ZNRF2: variants seen among roughly 807,000 people sequenced by gnomAD.
ZNRF2 encodes E3 ubiquitin-protein ligase ZNRF2.
In ZNRF2, 16 loss-of-function variants were observed where a neutral mutation model predicts 20.4. That is an observed-to-expected ratio of 0.79 (90% confidence interval 0.53 to 1.19). ZNRF2 has a LOEUF of 1.19. Among genes scored for constraint, ZNRF2 ranks in the 50% most tolerant of loss-of-function variants. The pLI, the probability that ZNRF2 is intolerant of heterozygous loss-of-function variation, is 0.00. For missense variants in ZNRF2, 363 were observed against 332.4 expected (o/e 1.09, Z -0.72); for synonymous variants, 178 against 144.9 (o/e 1.23, Z -1.64).
intron 3 of ZNRF2, 133 bp from the exon 4 acceptor site, chr7:30,362,244 A>G (rs1800138183): frequency 1.9e-6 from 1 of 518,324 alleles, no homozygotes; most frequent in Non-Finnish European, 3.3e-6. Context: ...TTGCTTATGT[A>G]TGCCAAATAT....
At chr7:30,311,099 G>A (rs139209540) in intron 1 of ZNRF2, among the ~76,000 whole-genome samples, 10 of 152,156 alleles carry the variant, frequency 6.6e-5, no homozygotes, top group African/African-American at 1.9e-4. Context: ...CTACTGCTGC[G>A]GTACTCTCTG....
intron 1 of ZNRF2, among the ~76,000 whole-genome samples, chr7:30,307,326 G>GTTTTTTTTTTTTTTTTTTTTTTTT (rs78007797): frequency 2.1e-4 from 9 of 43,238 alleles, no homozygotes; most frequent in Non-Finnish European, 3.8e-4. Context: ...GTTTTTTTTT[G>GTTTTTTTTTTTTTTTTTTTTTTTT]TTTTTTTTTT....
At chr7:30,321,050 A>T (rs193297183) in intron 1 of ZNRF2, among the ~76,000 whole-genome samples, 10 of 152,100 alleles carry the variant, frequency 6.6e-5, no homozygotes, top group South Asian at 4.1e-4. Context: ...CAGTTCGGAG[A>T]TCTTTATTCT....
chr7:30,352,990 T>C (rs887129538), intron 2 of ZNRF2, among the ~76,000 whole-genome samples: 21 of 152,106 alleles, frequency 1.4e-4, no homozygotes, highest in African/African-American at 5.1e-4. Flanking sequence ...AGTGTCATTA[T>C]AGGGGTGAGA....
At position 30,351,580 on chromosome 7, in the gene ZNRF2, C is replaced by T. The variant is rs144825469; in HGVS notation, c.566-4148C>T. Among the ~76,000 whole-genome samples the T allele has an allele frequency of 3.2e-3, 479 of 152,032 alleles. 6 individuals are homozygous for T. Among genetic ancestry groups the T allele is most frequent in the African/African-American group, 0.011 (455 of 41,516 alleles). On this transcript the variant is annotated intron_variant, in intron 2 of 4. Transcript: ENST00000323037. ...AACAGTCCAGTTGCTTTGGTATTTA[C>T]GTTGCTTTAAAGTGAAATTGTTTCT...
At chr7:30,320,408 A>G (rs1204656483) in intron 1 of ZNRF2, among the ~76,000 whole-genome samples, 1 of 152,228 alleles carries the variant, frequency 6.6e-6, no homozygotes, top group Non-Finnish European at 1.5e-5. Context: ...GTAAATACAT[A>G]CTAGTAGTAC....
chr7:30,302,491 T>C (rs1400881447), intron 1 of ZNRF2, among the ~76,000 whole-genome samples: 1 of 151,574 alleles, frequency 6.6e-6, no homozygotes, highest in African/African-American at 2.4e-5. Context: ...CTAGTGTCCA[T>C]CCATCAGGGC....
intron 1 of ZNRF2, among the ~76,000 whole-genome samples, chr7:30,295,368 G>A (rs554123914): frequency 1.3e-5 from 2 of 152,172 alleles, no homozygotes; most frequent in African/African-American, 4.8e-5. Flanking sequence ...TGTTTCTTGG[G>A]CTGACCTTAA....
intron 2 of ZNRF2, among the ~76,000 whole-genome samples, chr7:30,338,438 C>G (rs1799749694): frequency 6.9e-6 from 1 of 145,314 alleles, no homozygotes; most frequent in East Asian, 2.0e-4. Context: ...CCCCCACCCC[C>G]CAACAGGCCC....
chr7:30,296,730 T>C (rs1295335306), intron 1 of ZNRF2, among the ~76,000 whole-genome samples: 3 of 152,238 alleles, frequency 2.0e-5, no homozygotes, highest in African/African-American at 7.2e-5. Flanking sequence ...CTTTGGAGGA[T>C]TGCCATTAGT....
At chr7:30,317,704 G>C (rs1799399262) in intron 1 of ZNRF2, among the ~76,000 whole-genome samples, 1 of 152,206 alleles carries the variant, frequency 6.6e-6, no homozygotes. Flanking sequence ...AAAGCTCAAA[G>C]CCTAGGAATC....
chr7:30,302,776 C>T (rs1479914645), intron 1 of ZNRF2, among the ~76,000 whole-genome samples: 2 of 152,124 alleles, frequency 1.3e-5, no homozygotes, highest in Admixed American at 1.3e-4. Context: ...TTCTCCCATG[C>T]TACCACTACT....
rs118044894 is a variant in ZNRF2 at position 30,304,335 on chromosome 7, A to G, written c.469+18509A>G. On this transcript the variant is annotated intron_variant, in intron 1 of 4. Coordinates refer to ENST00000323037, the MANE Select transcript of ZNRF2 (RefSeq NM_147128.4). Reference sequence around the variant, plus strand: ...CAGGACTAGCATTCCCTATTATTACATTTAATGGATTTTGCCAGATTGCTT... The same window carrying G: ...CAGGACTAGCATTCCCTATTATTACGTTTAATGGATTTTGCCAGATTGCTT... Among the ~76,000 whole-genome samples, 338 of 152,326 alleles carry G rather than the reference A, an allele frequency of 2.2e-3. 3 individuals are homozygous for G. In the East Asian group the frequency reaches 0.055, roughly 25 times the overall value.
At chr7:30,360,290 G>A (rs1176662133) in intron 3 of ZNRF2, among the ~76,000 whole-genome samples, 9 of 152,116 alleles carry the variant, frequency 5.9e-5, no homozygotes, top group Non-Finnish European at 7.3e-5. Context: ...GTATTTGGGC[G>A]CAAACTCCTT....
chr7:30,285,441 C>T lies in ZNRF2; in HGVS notation c.84C>T (p.Ser28=), dbSNP rs1352186120. The change falls in exon 1 of 5, where the codon AGC becomes AGT. Residue 28 remains serine (S), a synonymous_variant. Transcript: ENST00000323037. ...YSGSDLPSSS[S]GGANGTAGGG... ...GCTCGGATCTACCTTCCAGTAGCAGCGGAGGCGCCAATGGGACCGCGGGCG... is the reference window on the plus strand; with the variant it reads ...GCTCGGATCTACCTTCCAGTAGCAGTGGAGGCGCCAATGGGACCGCGGGCG... The T allele has an allele frequency of 5.9e-6, 7 of 1,185,834 alleles. No homozygotes were observed. Among genetic ancestry groups the T allele is most frequent in the Admixed American group, 8.9e-5 (2 of 22,388 alleles). 73.5% of individuals were successfully genotyped at this position (1,185,834 alleles called of 1,614,324 possible).
intron 2 of ZNRF2, 43 bp from the exon 3 acceptor site, chr7:30,355,685 A>C (rs763861220): frequency 1.3e-6 from 2 of 1,501,274 alleles, no homozygotes; most frequent in Non-Finnish European, 1.8e-6. Context: ...TTTCAATTTG[A>C]TGGATAATTT....
chr7:30,328,934 A>T (rs1032132022), intron 2 of ZNRF2, among the ~76,000 whole-genome samples: 3 of 152,146 alleles, frequency 2.0e-5, no homozygotes, highest in African/African-American at 7.2e-5. Context: ...AACAACATAG[A>T]TTACCTTCAT....
chr7:30,315,196 TTCTTA>T (rs2128061094), intron 1 of ZNRF2, among the ~76,000 whole-genome samples: 1 of 152,308 alleles, frequency 6.6e-6, no homozygotes, highest in East Asian at 1.9e-4. Context: ...TAAGTGTCTG[TTCTTA>T]TCTTAGCCAT....
intron 1 of ZNRF2, among the ~76,000 whole-genome samples, chr7:30,298,398 G>A (rs1156476335): frequency 1.3e-5 from 2 of 151,936 alleles, no homozygotes; most frequent in East Asian, 1.9e-4. Flanking sequence ...CTTTTAAAGT[G>A]GGGGGCACTA....
Sources: gnomAD v4.1 joint callset for allele counts (sites outside exome capture counted in the v4.1 genomes callset) on GRCh38, gnomAD v4.1.1 for gene constraint, MANE v1.5 for transcripts, NCBI Gene and HGNC (gene_info 2026-07-23, HGNC 2026-07-21) for gene names.